Variants in PPP1R16B observed in about 807,000 individuals in gnomAD.
PPP1R16B encodes protein phosphatase 1 regulatory subunit 16B, also known as protein phosphatase 1 regulatory inhibitor subunit 16B.
In PPP1R16B, 14 loss-of-function variants were observed where a neutral mutation model predicts 61.7. That is an observed-to-expected ratio of 0.23 (90% CI 0.15 to 0.35). The LOEUF (loss-of-function observed/expected upper bound fraction) is 0.35. PPP1R16B is among the 10% of genes least tolerant of loss of function. PPP1R16B has a pLI of 1.00. For missense variants in PPP1R16B, 547 were observed against 752.5 expected, an observed-to-expected ratio of 0.73 and a Z score of 3.19; for synonymous variants, 266 against 305.3, an observed-to-expected ratio of 0.87 and a Z score of 1.34.
Position 38,895,997 on chromosome 20 carries a change from T to TC in PPP1R16B, c.467+289dup, listed in dbSNP as rs1568679205. On this transcript the variant is annotated intron_variant, in intron 4 of 10. Transcript: ENST00000299824. ...CTCCCTCCCTCCTTCCTTCTTTCTC[T>TC]CCTCCCTTCCCCCCTTCCTTCTTTC... Among the ~76,000 whole-genome samples the TC allele has an allele frequency of 1.1e-3, 97 of 88,158 alleles. 6 individuals are homozygous for TC. Among genetic ancestry groups the TC allele is most frequent in the African/African-American group, 3.2e-3 (50 of 15,710 alleles). The allele number at this position is 88,158 out of a possible 152,430, so 57.8% of individuals were successfully genotyped here. A position where few individuals can be genotyped will look rare whatever the true frequency, so the allele number is the denominator to read the frequency against.
intron 1 of PPP1R16B, among the ~76,000 whole-genome samples, chr20:38,825,852 T>C (rs1482861761): frequency 6.6e-6 from 1 of 152,226 alleles, no homozygotes; most frequent in South Asian, 2.1e-4. Context: ...TAGAACAGAA[T>C]TGCGTACTCA....
chr20:38,867,218 G>A (rs764855895), intron 2 of PPP1R16B, among the ~76,000 whole-genome samples: 1 of 152,158 alleles, frequency 6.6e-6, no homozygotes, highest in Admixed American at 6.5e-5. Flanking sequence ...TCCCCAAAGG[G>A]CACTGTGGTC....
At chr20:38,837,167 C>T (rs1393106716) in intron 2 of PPP1R16B, among the ~76,000 whole-genome samples, 1 of 152,246 alleles carries the variant, frequency 6.6e-6, no homozygotes, top group Non-Finnish European at 1.5e-5. Context: ...GAATCTAAAA[C>T]TGGCTTTCTC....
At chr20:38,813,767 C>CATTATTATTATT (rs371284370) in intron 1 of PPP1R16B, among the ~76,000 whole-genome samples, 11 of 132,074 alleles carry the variant, frequency 8.3e-5, no homozygotes, top group Admixed American at 1.5e-4. Flanking sequence ...TCATCATCAT[C>CATTATTATTATT]ATTATTATTA....
intron 2 of PPP1R16B, among the ~76,000 whole-genome samples, chr20:38,879,046 G>A (rs1195869715): frequency 3.3e-5 from 5 of 152,196 alleles, no homozygotes; most frequent in Non-Finnish European, 1.5e-5. Context: ...CTGCGGAGCG[G>A]AAGGGAGATC....
intron 2 of PPP1R16B, among the ~76,000 whole-genome samples, chr20:38,877,954 T>G (rs903002511): frequency 4.9e-4 from 17 of 34,568 alleles, no homozygotes; most frequent in South Asian, 9.1e-4. Context: ...ACACAGTTGT[T>G]TTTTTTTTTT....
chr20:38,817,681 T>C (rs539538414), intron 1 of PPP1R16B, among the ~76,000 whole-genome samples: 3 of 152,128 alleles, frequency 2.0e-5, no homozygotes, highest in Non-Finnish European at 4.4e-5. Context: ...ATTTTAGCAC[T>C]TGAGCTACCT....
At chr20:38,888,576 C>T (rs1391884681) in intron 2 of PPP1R16B, among the ~76,000 whole-genome samples, 1 of 152,128 alleles carries the variant, frequency 6.6e-6, no homozygotes, top group African/African-American at 2.4e-5. Context: ...CCCACTGGCC[C>T]CCTGGACTCC....
At chr20:38,896,171 C>CT in intron 4 of PPP1R16B, among the ~76,000 whole-genome samples, 1 of 92,684 alleles carries the variant, frequency 1.1e-5, no homozygotes, top group African/African-American at 5.3e-5. Flanking sequence ...CCCTTCCTTC[C>CT]TTCTTTCTTC....
intron 2 of PPP1R16B, among the ~76,000 whole-genome samples, chr20:38,859,937 G>A (rs2085036092): frequency 6.6e-6 from 1 of 152,004 alleles, no homozygotes; most frequent in South Asian, 2.1e-4. Flanking sequence ...ATTAATGAGA[G>A]ATTTTACATT....
At chr20:38,868,237 C>G (rs1264065261) in intron 2 of PPP1R16B, among the ~76,000 whole-genome samples, 2 of 152,184 alleles carry the variant, frequency 1.3e-5, no homozygotes, top group East Asian at 3.9e-4. Context: ...ATGCCCACAC[C>G]ACTCCTGCGT....
At position 38,810,072 on chromosome 20, in the gene PPP1R16B, C is replaced by T. The variant is rs573061814; in HGVS notation, c.-102+4280C>T. Among the ~76,000 whole-genome samples the T allele has an allele frequency of 1.3e-4, 19 of 150,324 alleles. No individual in the cohort carries two copies. The East Asian group carries it at 1.4e-3, about 11-fold the overall frequency. Reference sequence around the variant, plus strand: ...ATATTAATAAGTGCTCACAGATGTTCGTTGCTATTATTAGTCTATTATTGC... The same window carrying T: ...ATATTAATAAGTGCTCACAGATGTTTGTTGCTATTATTAGTCTATTATTGC... On this transcript the variant is annotated intron_variant, in intron 1 of 10. Coordinates refer to ENST00000299824, the MANE Select transcript of PPP1R16B (RefSeq NM_015568.4).
chr20:38,851,418 T>C (rs921757960), intron 2 of PPP1R16B, among the ~76,000 whole-genome samples: 23 of 151,636 alleles, frequency 1.5e-4, no homozygotes, highest in Non-Finnish European at 2.9e-4. Context: ...TGAGTTGAGA[T>C]TGCACCATTG....
At chr20:38,903,106 G>T (rs2085409737) in intron 6 of PPP1R16B, among the ~76,000 whole-genome samples, 1 of 152,170 alleles carries the variant, frequency 6.6e-6, no homozygotes, top group Non-Finnish European at 1.5e-5. Flanking sequence ...ATGCACTCTA[G>T]CCTGGGTGAC....
At position 38,835,862 on chromosome 20, in the gene PPP1R16B, C is replaced by A; in HGVS notation, c.-64C>A. 6.8e-7 allele frequency: 1 copy of A among 1,462,196 alleles called. No individual in the cohort carries two copies. The highest frequency in any genetic ancestry group is 9.0e-7 in the Non-Finnish European group (1 of 1,109,782). The allele number at this position is 1,462,196 out of a possible 1,614,324, so 90.6% of individuals were successfully genotyped here. On this transcript the variant is annotated 5_prime_UTR_variant, in exon 2 of 11. Transcript: ENST00000299824. Reference sequence around the variant, plus strand: ...GGCCCCAGCCCCACCAGAGGCCCCGCGCTGCCCTGGCCCCCGGTGCACCGT... The same window carrying A: ...GGCCCCAGCCCCACCAGAGGCCCCGAGCTGCCCTGGCCCCCGGTGCACCGT...
chr20:38,847,206 T>A (rs140285241), intron 2 of PPP1R16B, among the ~76,000 whole-genome samples: 1 of 152,346 alleles, frequency 6.6e-6, no homozygotes, highest in African/African-American at 2.4e-5. Flanking sequence ...TGCTGGATGA[T>A]GACATTGAAA....
At chr20:38,909,146 C>T (rs1046771510) in intron 10 of PPP1R16B, among the ~76,000 whole-genome samples, 17 of 152,112 alleles carry the variant, frequency 1.1e-4, no homozygotes, top group African/African-American at 2.9e-4. Flanking sequence ...GGACTATAGG[C>T]GGGGGCCATC....
chr20:38,844,392 A>G (rs1452114266), intron 2 of PPP1R16B, among the ~76,000 whole-genome samples: 1 of 152,200 alleles, frequency 6.6e-6, no homozygotes, highest in African/African-American at 2.4e-5. Flanking sequence ...CTTTTTAGGA[A>G]AAAAAACACT....
intron 2 of PPP1R16B, among the ~76,000 whole-genome samples, chr20:38,887,793 C>T (rs1484150772): frequency 6.6e-6 from 1 of 152,252 alleles, no homozygotes; most frequent in Non-Finnish European, 1.5e-5. Context: ...CTGGGCAGGT[C>T]TACTGGAGAT....
Sources: gnomAD v4.1 joint callset for allele counts (sites outside exome capture counted in the v4.1 genomes callset) on GRCh38, gnomAD v4.1.1 for gene constraint, MANE v1.5 for transcripts, NCBI Gene and HGNC (gene_info 2026-07-23, HGNC 2026-07-21) for gene names.